The following NSUN4 variants were observed in gnomAD, a reference collection of about 807,000 sequenced individuals.
NSUN4 encodes 5-cytosine rRNA methyltransferase NSUN4.
A neutral mutation model predicts 43.8 loss-of-function variants in NSUN4; 31 were observed. The observed-to-expected ratio is 0.71, with a 90% CI of 0.53 to 0.96. NSUN4 has a LOEUF of 0.96. NSUN4 is among the 40% of genes least tolerant of loss of function. NSUN4 has a pLI of 0.00. For missense variants in NSUN4, 439 were observed against 475.6 expected, an observed-to-expected ratio of 0.92 and a Z score of 0.72; for synonymous variants, 167 against 184.1, an observed-to-expected ratio of 0.91 and a Z score of 0.75.
rs1257403029 is a variant in NSUN4, at chr1:46,364,239, G to A, written c.*2393G>A. ...GCAGGAGGATCACTTGAGCACAGGAGTTTGAGGCTGCAGTGAGCAGCCTGG... is the reference window on the plus strand; with the variant it reads ...GCAGGAGGATCACTTGAGCACAGGAATTTGAGGCTGCAGTGAGCAGCCTGG... On this transcript the variant is annotated 3_prime_UTR_variant, in exon 6 of 6. Transcript: ENST00000474844. The A allele has an allele frequency of 7.0e-6, 1 of 142,418 alleles. No homozygotes were observed. Among genetic ancestry groups the A allele is most frequent in the Admixed American group, 7.5e-5 (1 of 13,412 alleles). 8.8% of individuals were successfully genotyped at this position (142,418 alleles called of 1,614,324 possible). A position where few individuals can be genotyped will look rare whatever the true frequency, so the allele number is the denominator to read the frequency against.
chr1:46,361,647 A>G lies in NSUN4; in HGVS notation c.956A>G (p.Tyr319Cys). 6.2e-7 allele frequency: 1 copy of G among 1,614,232 alleles called. No individual in the cohort carries two copies. The highest frequency in any genetic ancestry group is 8.5e-7 in the Non-Finnish European group (1 of 1,180,038). ...TCSLSHLQNE[Y>C]VVQGAIELLA... ...TCACTCTCACACTTACAGAACGAGT[A>G]TGTGGTGCAAGGTGCCATTGAGCTC... is the stretch of plus-strand genomic sequence containing the variant. Residue 319 changes from tyrosine to cysteine, a missense_variant, in exon 6 of 6, where the codon TAT (tyrosine) becomes TGT (cysteine). Transcript: ENST00000474844.
chr1:46,361,445 G>A, intron 5 of NSUN4, 125 bp from the exon 6 acceptor site: 1 of 815,758 alleles, frequency 1.2e-6, no homozygotes, highest in African/African-American at 1.7e-5. Context: ...AGGGACTTGA[G>A]AGGCAGTCTA....
chr1:46,352,643 T>G (rs2148393448), intron 3 of NSUN4, among the ~76,000 whole-genome samples: 1 of 152,312 alleles, frequency 6.6e-6, no homozygotes, highest in East Asian at 1.9e-4. Flanking sequence ...TGGTCTGCTT[T>G]ATTCATTGAC....
chr1:46,375,966 G>A, the NSUN4 span, among the ~76,000 whole-genome samples: 4 of 151,072 alleles, frequency 2.6e-5, no homozygotes, highest in Non-Finnish European at 5.9e-5. Flanking sequence ...ATTAGCCGGG[G>A]GTGGTGGCAC....
At chr1:46,342,166 T>A in intron 1 of NSUN4, 1 of 401,098 alleles carries the variant, frequency 2.5e-6, no homozygotes, top group Non-Finnish European at 4.4e-6. Flanking sequence ...GGGCTGATGA[T>A]CTCTCTGCCC....
rs991022262 is a variant in NSUN4, at chr1:46,361,178, C to T, written c.878+350C>T. 2.6e-5 allele frequency among the ~76,000 whole-genome samples: 4 copies of T among 151,918 alleles called. No homozygotes were observed. In the East Asian group the frequency reaches 7.7e-4, roughly 29 times the overall value. On this transcript the variant is annotated intron_variant, in intron 5 of 5. Coordinates refer to ENST00000474844, the MANE Select transcript of NSUN4 (RefSeq NM_199044.4). ...CAAAAACAAAAACAAAAAAGCAACCCTATCTAGTAGGATATATATACTAGA... is the reference window on the plus strand; with the variant it reads ...CAAAAACAAAAACAAAAAAGCAACCTTATCTAGTAGGATATATATACTAGA...
intron 4 of NSUN4, among the ~76,000 whole-genome samples, chr1:46,355,610 T>A (rs1279688382): frequency 6.6e-6 from 1 of 152,206 alleles, no homozygotes; most frequent in Non-Finnish European, 1.5e-5. Context: ...TTATTATTAT[T>A]TCCATTCATT....
chr1:46,351,659 C>CTTTTTTT (rs1190689943), intron 3 of NSUN4, among the ~76,000 whole-genome samples: 13 of 88,866 alleles, frequency 1.5e-4, no homozygotes, highest in South Asian at 4.9e-4. Context: ...GACCCAGTCT[C>CTTTTTTT]TTTTTTTTTT....
intron 4 of NSUN4, among the ~76,000 whole-genome samples, chr1:46,360,439 TAA>T (rs374601812): frequency 8.6e-5 from 12 of 140,176 alleles, no homozygotes; most frequent in Non-Finnish European, 4.6e-5. Flanking sequence ...CTCTAAAAAT[TAA>T]AAAAAAAAAA....
At chr1:46,351,352 G>A (rs192690974) in intron 3 of NSUN4, among the ~76,000 whole-genome samples, 2 of 152,212 alleles carry the variant, frequency 1.3e-5, no homozygotes, top group East Asian at 1.9e-4. Context: ...CAACAAGAGC[G>A]AAACTAAAGA....
chr1:46,343,657 A>G (rs1288174264), intron 1 of NSUN4: 2 of 399,898 alleles, frequency 5.0e-6, no homozygotes, highest in Non-Finnish European at 8.8e-6. Flanking sequence ...AGCAGTCCCT[A>G]TCCTAGCAGA....
At chr1:46,366,362 G>A (rs1289164595), downstream of NSUN4, among the ~76,000 whole-genome samples, 1 of 152,062 alleles carries the variant, frequency 6.6e-6, no homozygotes, top group African/African-American at 2.4e-5. Flanking sequence ...GGATGGGGCT[G>A]GAGGGAACAT....
rs780473517 is a variant in NSUN4, at chr1:46,361,860, C to T, written c.*14C>T. The T allele has an allele frequency of 6.2e-7, 1 of 1,609,390 alleles. No individual in the cohort carries two copies. Among genetic ancestry groups the T allele is most frequent in the Non-Finnish European group, 8.5e-7 (1 of 1,177,256 alleles). ...AGGCTGACATAGTATCACCCAATCC[C>T]TGAAGCAAGAATACAAAGGGTATAC... On this transcript the variant is annotated 3_prime_UTR_variant, in exon 6 of 6. Transcript: ENST00000474844.
intron 1 of NSUN4, 145 bp from the exon 2 acceptor site, chr1:46,344,656 C>A: frequency 1.4e-6 from 1 of 692,470 alleles, no homozygotes; most frequent in Non-Finnish European, 2.5e-6. Flanking sequence ...CCCTCTCACA[C>A]TTCTCTGGCA....
rs1414413433 is a variant in NSUN4, at chr1:46,345,113, A to G, written c.406A>G (p.Arg136Gly). 1 of 1,612,752 alleles carries G rather than the reference A, an allele frequency of 6.2e-7. No individual in the cohort carries two copies. The highest frequency in any genetic ancestry group is 1.7e-5 in the Admixed American group (1 of 60,006). ...GAACCTTCGATGCTTCACTTTTGAC[A>G]GAGGGGATATCAGTCGCTTCCCTCC... ...SPNLRCFTFDRGDISRFPPAR... is the reference protein window; with the variant it reads ...SPNLRCFTFDGGDISRFPPAR... The change falls in exon 2 of 6, where the codon AGA becomes GGA. Residue 136 changes from arginine to glycine, a missense_variant. Transcript: ENST00000474844.
At chr1:46,368,152 C>G (rs938292449), downstream of NSUN4, among the ~76,000 whole-genome samples, 1 of 152,126 alleles carries the variant, frequency 6.6e-6, no homozygotes, top group Non-Finnish European at 1.5e-5. Context: ...TCATTTCTCA[C>G]TGATCAAAGG....
chr1:46,360,560 A>G (rs930011163), intron 4 of NSUN4, 144 bp from the exon 5 acceptor site: 24 of 649,564 alleles, frequency 3.7e-5, no homozygotes, highest in Middle Eastern at 4.6e-4. Flanking sequence ...GTTAAAATGA[A>G]GAACTTTGTC....
intron 4 of NSUN4, among the ~76,000 whole-genome samples, chr1:46,354,191 CA>C (rs1286166714): frequency 3.9e-5 from 6 of 151,980 alleles, no homozygotes; most frequent in African/African-American, 1.5e-4. Context: ...ACTGCAGCCT[CA>C]ACCTCCTGGG....
At chr1:46,370,185 T>A in the NSUN4 span, among the ~76,000 whole-genome samples, 1 of 152,106 alleles carries the variant, frequency 6.6e-6, no homozygotes, top group African/African-American at 2.4e-5. Flanking sequence ...AAAGACAGAC[T>A]TAGGGAAGAG....
Sources: gnomAD v4.1 joint callset for allele counts (sites outside exome capture counted in the v4.1 genomes callset) on GRCh38, gnomAD v4.1.1 for gene constraint, MANE v1.5 for transcripts, NCBI Gene and HGNC (gene_info 2026-07-23, HGNC 2026-07-21) for gene names.